FHIT: variants seen among roughly 807,000 people sequenced by gnomAD.
FHIT encodes fragile histidine triad diadenosine triphosphatase.
Under a neutral mutation model 17.9 loss-of-function variants are expected in FHIT, and 19 were observed. The observed-to-expected ratio is 1.06, with a 90% CI of 0.74 to 1.56. The LOEUF (loss-of-function observed/expected upper bound fraction) is 1.56, where lower values mean the gene tolerates loss of function less well. Among genes scored for constraint, FHIT ranks in the 40% most tolerant of loss-of-function variants. The pLI is 0.00. For synonymous variants in FHIT, 81 were observed against 69.7 expected, an observed-to-expected ratio of 1.16 and a Z score of -0.81; for missense variants, 248 against 189.2, an observed-to-expected ratio of 1.31 and a Z score of -1.82.
At chr3:59,993,858 T>C (rs927954546) in intron 7 of FHIT, among the ~76,000 whole-genome samples, 2 of 152,024 alleles carry the variant, frequency 1.3e-5, no homozygotes, top group African/African-American at 4.8e-5. Flanking sequence ...GGGGATAAAA[T>C]TCCTGGCACC....
At chr3:61,111,526 A>G (rs1441658079) in intron 2 of FHIT, among the ~76,000 whole-genome samples, 1 of 152,208 alleles carries the variant, frequency 6.6e-6, no homozygotes, top group Non-Finnish European at 1.5e-5. Context: ...ACTCACGTGC[A>G]TTTGCTGCGT....
At chr3:59,798,346 A>G (rs35256799) in intron 8 of FHIT, among the ~76,000 whole-genome samples, 1 of 152,352 alleles carries the variant, frequency 6.6e-6, no homozygotes, top group East Asian at 1.9e-4. Context: ...CGATTTAGGT[A>G]AATTCTCACT....
intron 4 of FHIT, chr3:60,618,198 AT>A (rs1406905097): frequency 1.3e-5 from 2 of 152,960 alleles, no homozygotes; most frequent in East Asian, 3.8e-4. Flanking sequence ...TATATATGTA[AT>A]AATTCTTTGG....
intron 5 of FHIT, among the ~76,000 whole-genome samples, chr3:60,188,410 A>G (rs1379340553): frequency 6.6e-6 from 1 of 152,046 alleles, no homozygotes; most frequent in Non-Finnish European, 1.5e-5. Context: ...TTTTAGTTGA[A>G]AAAGTGACTG....
intron 2 of FHIT, among the ~76,000 whole-genome samples, chr3:61,172,197 A>T (rs1475141259): frequency 2.6e-5 from 4 of 152,232 alleles, no homozygotes; most frequent in African/African-American, 9.6e-5. Flanking sequence ...TATGTACTCA[A>T]TACAGTAATG....
chr3:60,540,678 A>AT (rs1261879492), intron 4 of FHIT, among the ~76,000 whole-genome samples: 4 of 152,178 alleles, frequency 2.6e-5, no homozygotes, highest in African/African-American at 9.6e-5. Flanking sequence ...CTTATTTTAT[A>AT]TAGCACATGA....
At chr3:59,907,942 C>A (rs779006188) in intron 8 of FHIT, among the ~76,000 whole-genome samples, 3 of 152,168 alleles carry the variant, frequency 2.0e-5, no homozygotes, top group Non-Finnish European at 4.4e-5. Context: ...TTGAATCTTT[C>A]TCATATTGCA....
At chr3:60,730,157 T>C in intron 4 of FHIT, 1 of 437,370 alleles carries the variant, frequency 2.3e-6, no homozygotes, top group South Asian at 1.9e-5. Context: ...ACCACTGGGC[T>C]GTTTGTGTTG....
At chr3:60,309,244 C>G (rs1304603307) in intron 5 of FHIT, among the ~76,000 whole-genome samples, 3 of 152,042 alleles carry the variant, frequency 2.0e-5, no homozygotes, top group South Asian at 2.1e-4. Context: ...AGGGGAAAAT[C>G]CACCTCACCA....
At chr3:60,615,474 A>T (rs1576976332) in intron 4 of FHIT, among the ~76,000 whole-genome samples, 1 of 152,366 alleles carries the variant, frequency 6.6e-6, no homozygotes, top group East Asian at 1.9e-4. Flanking sequence ...AAAGAACAGC[A>T]GTAAAAAGGC....
chr3:60,535,389 G>A (rs1227917944), intron 5 of FHIT, among the ~76,000 whole-genome samples: 1 of 152,004 alleles, frequency 6.6e-6, no homozygotes, highest in Non-Finnish European at 1.5e-5. Context: ...AGAGAGAGAT[G>A]GCATTTAAAC....
At chr3:60,439,933 C>T (rs957572868) in intron 5 of FHIT, among the ~76,000 whole-genome samples, 8 of 152,014 alleles carry the variant, frequency 5.3e-5, no homozygotes, top group Admixed American at 3.9e-4. Flanking sequence ...GTTCATGCTG[C>T]GTTCCATCAT....
chr3:60,002,374 A>C (rs1699762818), intron 7 of FHIT, among the ~76,000 whole-genome samples: 1 of 152,078 alleles, frequency 6.6e-6, no homozygotes, highest in Admixed American at 6.6e-5. Context: ...AGGCTTCCGA[A>C]GATATATGTC....
chr3:60,076,910 C>A (rs13058814), intron 5 of FHIT, among the ~76,000 whole-genome samples: 56,973 of 151,750 alleles, frequency 0.38, 12,083 homozygotes, highest in Middle Eastern at 0.58. Flanking sequence ...CATTCATTTT[C>A]CCCATCCAAG....
chr3:59,951,693 T>C (rs893568993), intron 7 of FHIT, among the ~76,000 whole-genome samples: 1 of 151,002 alleles, frequency 6.6e-6, no homozygotes, highest in Non-Finnish European at 1.5e-5. Context: ...CTTTAGGGCA[T>C]CTGAGATCCC....
In FHIT at chr3:60,363,099, T is replaced by C. The variant is rs114894240; in HGVS notation, c.103+173761A>G. Among the ~76,000 whole-genome samples the C allele has an allele frequency of 9.8e-3, 1,485 of 152,186 alleles. 21 individuals are homozygous for C. Among genetic ancestry groups the C allele is most frequent in the African/African-American group, 0.034 (1,425 of 41,530 alleles). Reference sequence around the variant, plus strand: ...GTTTCCAGGGAAGAAAAAGGCAGTATGCAACAAAGAGTTGGGTATCAAAAA... The same window carrying C: ...GTTTCCAGGGAAGAAAAAGGCAGTACGCAACAAAGAGTTGGGTATCAAAAA... On this transcript the variant is annotated intron_variant, in intron 5 of 9. Coordinates refer to ENST00000492590, the MANE Select transcript of FHIT (RefSeq NM_002012.4).
At chr3:59,862,150 T>C (rs1702434744) in intron 8 of FHIT, among the ~76,000 whole-genome samples, 1 of 152,228 alleles carries the variant, frequency 6.6e-6, no homozygotes, top group Non-Finnish European at 1.5e-5. Flanking sequence ...AGAGGTTTAA[T>C]GGACTCACAG....
chr3:60,867,545 G>A (rs782720720), intron 3 of FHIT, among the ~76,000 whole-genome samples: 1 of 152,138 alleles, frequency 6.6e-6, no homozygotes, highest in South Asian at 2.1e-4. Flanking sequence ...TACTATTACA[G>A]ATACTACTTG....
In FHIT at chr3:60,658,570, C is replaced by G. The variant is rs140031113; in HGVS notation, c.-17-121591G>C. ...ACAAAAACATTGCTCCTCTACTTCT[C>G]TGTCCCCACTTCTTTAAATTATTGA... On this transcript the variant is annotated intron_variant, in intron 4 of 9. Coordinates refer to ENST00000492590, the MANE Select transcript of FHIT (RefSeq NM_002012.4). Among the ~76,000 whole-genome samples, 409 of 152,228 alleles carry G rather than the reference C, an allele frequency of 2.7e-3. 4 individuals are homozygous for G. The highest frequency in any genetic ancestry group is 4.6e-3 in the Non-Finnish European group (312 of 67,994).
Sources: allele counts gnomAD v4.1 joint callset (sites outside exome capture counted in the v4.1 genomes callset), GRCh38; gene constraint gnomAD v4.1.1; transcripts MANE v1.5; gene names NCBI Gene and HGNC (gene_info 2026-07-23, HGNC 2026-07-21).